Variants in PXDNL observed in about 807,000 individuals in gnomAD.
PXDNL encodes the protein probable oxidoreductase PXDNL.
Under a neutral mutation model 150.8 loss-of-function variants are expected in PXDNL, and 145 were observed. The observed-to-expected ratio is 0.96, with a 90% CI of 0.84 to 1.10. PXDNL has a LOEUF of 1.10. Ranked by LOEUF, PXDNL falls within the 50% of genes least tolerant of loss-of-function variation. The probability of loss-of-function intolerance (pLI) is 0.00; values close to 1 mark genes in which losing one functional copy is unlikely to be tolerated. For missense variants in PXDNL, 2,087 were observed against 1,873.9 expected (o/e 1.11, Z -2.10); for synonymous variants, 757 against 725.7 (o/e 1.04, Z -0.69).
intron 19 of PXDNL, among the ~76,000 whole-genome samples, chr8:51,360,729 G>A (rs112455219): frequency 0.03 from 4,617 of 152,250 alleles, 229 homozygotes; most frequent in African/African-American, 0.11. Context: ...TGTGTCAATC[G>A]CTAAGTTTTG....
intron 1 of PXDNL, among the ~76,000 whole-genome samples, chr8:51,746,461 A>G (rs1181285301): frequency 6.6e-6 from 1 of 152,154 alleles, no homozygotes; most frequent in African/African-American, 2.4e-5. Flanking sequence ...ATAATTATAA[A>G]AGGGTCTTGT....
chr8:51,587,102 C>T (rs1236749571), intron 3 of PXDNL, among the ~76,000 whole-genome samples: 2 of 152,080 alleles, frequency 1.3e-5, no homozygotes, highest in Non-Finnish European at 2.9e-5. Context: ...ATTATCAATG[C>T]CCGTAAGTAA....
chr8:51,533,655 C>T (rs1179306739), intron 4 of PXDNL, among the ~76,000 whole-genome samples: 1 of 148,150 alleles, frequency 6.7e-6, no homozygotes, highest in African/African-American at 2.6e-5. Context: ...GACTGGTTTT[C>T]GTTTTTTTTT....
chr8:51,744,190 GAGAA>G lies in PXDNL; in HGVS notation c.164+64987_164+64990del, dbSNP rs1232373114. On this transcript the variant is annotated intron_variant, in intron 1 of 22. Coordinates refer to ENST00000356297, the MANE Select transcript of PXDNL (RefSeq NM_144651.5). ...AAAGAAGGAAGGAAGGTGAGAAAGA[GAGAA>G]AGAAAAAAGAAAAGAAAGGAAGGAA... Among the ~76,000 whole-genome samples the G allele has an allele frequency of 4.3e-5, 6 of 138,034 alleles. No homozygotes were observed. In the East Asian group the frequency reaches 1.3e-3, roughly 29 times the overall value. 90.6% of individuals were successfully genotyped at this position (138,034 alleles called of 152,430 possible).
At chr8:51,552,443 C>A (rs1466506111) in intron 4 of PXDNL, among the ~76,000 whole-genome samples, 2 of 152,026 alleles carry the variant, frequency 1.3e-5, no homozygotes, top group African/African-American at 4.8e-5. Context: ...TGCCCATCAA[C>A]CAACAAGTGG....
chr8:51,564,741 A>G (rs142864129), intron 3 of PXDNL, among the ~76,000 whole-genome samples: 170 of 152,098 alleles, frequency 1.1e-3, no homozygotes, highest in East Asian at 3.7e-3. Context: ...TTGCAATACA[A>G]TATAAAAGTA....
intron 19 of PXDNL, among the ~76,000 whole-genome samples, chr8:51,368,480 G>C (rs1441048612): frequency 1.3e-5 from 2 of 151,872 alleles, no homozygotes; most frequent in Non-Finnish European, 2.9e-5. Flanking sequence ...GAAGATGCTG[G>C]TATCAGTATT....
intron 2 of PXDNL, among the ~76,000 whole-genome samples, chr8:51,647,315 A>G (rs1239813879): frequency 6.6e-6 from 1 of 152,120 alleles, no homozygotes; most frequent in Non-Finnish European, 1.5e-5. Context: ...TCTGGCCAGT[A>G]TCAAAATACC....
chr8:51,457,603 G>A lies in PXDNL; in HGVS notation c.877C>T (p.Arg293Ter), dbSNP rs183360921. 1.3e-4 allele frequency: 215 copies of A among 1,613,712 alleles called. No individual in the cohort carries two copies. The highest frequency in any genetic ancestry group is 1.7e-4 in the Non-Finnish European group (200 of 1,179,740). The change falls in exon 9 of 23, where the codon CGA (arginine) becomes TGA (stop). Residue 293 changes from arginine to a stop codon, truncating the protein, a stop_gained. Coordinates refer to ENST00000356297, the MANE Select transcript of PXDNL (RefSeq NM_144651.5). LOFTEE classifies it high-confidence loss of function. Reference sequence around the variant, plus strand: ...CCTTGGTCTGACTCTCTGGTGTTTCGGATCATGAGTGTGCCATCATCAAAC... The same window carrying A: ...CCTTGGTCTGACTCTCTGGTGTTTCAGATCATGAGTGTGCCATCATCAAAC... ...NVFDDGTLMI[R>*]NTRESDQGVY...
intron 5 of PXDNL, among the ~76,000 whole-genome samples, chr8:51,494,542 G>C (rs1370571143): frequency 6.6e-6 from 1 of 152,100 alleles, no homozygotes; most frequent in African/African-American, 2.4e-5. Context: ...CCCATCTCAC[G>C]TGCAGAGACA....
At chr8:51,392,939 C>T (rs372958228) in intron 17 of PXDNL, among the ~76,000 whole-genome samples, 1 of 152,114 alleles carries the variant, frequency 6.6e-6, no homozygotes, top group Non-Finnish European at 1.5e-5. Flanking sequence ...AGAGAGTACA[C>T]TATTGGGAGT....
At chr8:51,404,234 G>A (rs1056286248) in intron 17 of PXDNL, among the ~76,000 whole-genome samples, 7 of 152,246 alleles carry the variant, frequency 4.6e-5, no homozygotes, top group Non-Finnish European at 8.8e-5. Flanking sequence ...ACTGTCGAAA[G>A]AGACCGGAGT....
intron 2 of PXDNL, among the ~76,000 whole-genome samples, chr8:51,608,053 G>GA (rs879364002): frequency 2.4e-5 from 3 of 126,158 alleles, no homozygotes; most frequent in African/African-American, 1.1e-4. Flanking sequence ...AAGAAAGAAA[G>GA]AAAGCAAGCA....
chr8:51,584,275 G>T (rs554108932), intron 3 of PXDNL, among the ~76,000 whole-genome samples: 1 of 152,168 alleles, frequency 6.6e-6, no homozygotes, highest in East Asian at 1.9e-4. Flanking sequence ...TCTCTAAGTG[G>T]GTAAACCTGC....
intron 1 of PXDNL, among the ~76,000 whole-genome samples, chr8:51,688,666 C>G (rs1234234010): frequency 6.6e-6 from 1 of 152,116 alleles, no homozygotes; most frequent in Non-Finnish European, 1.5e-5. Flanking sequence ...CAGTTCCCAT[C>G]CTGATGGCAT....
chr8:51,704,073 A>G (rs917772995), intron 1 of PXDNL, among the ~76,000 whole-genome samples: 6 of 152,216 alleles, frequency 3.9e-5, no homozygotes, highest in Admixed American at 6.5e-5. Flanking sequence ...TTGAAGTCCC[A>G]TGTATGTGCC....
At chr8:51,424,480 T>C (rs763298479) in intron 13 of PXDNL, among the ~76,000 whole-genome samples, 1 of 152,074 alleles carries the variant, frequency 6.6e-6, no homozygotes, top group Non-Finnish European at 1.5e-5. Flanking sequence ...TATTTCTACC[T>C]TGTATGTACT....
At chr8:51,748,995 G>A (rs759494793) in intron 1 of PXDNL, among the ~76,000 whole-genome samples, 29 of 152,278 alleles carry the variant, frequency 1.9e-4, no homozygotes, top group East Asian at 3.9e-4. Context: ...ATTTGAAGGC[G>A]TAACTAGTGT....
chr8:51,429,831 A>G (rs1201266974), intron 12 of PXDNL, among the ~76,000 whole-genome samples: 1 of 151,846 alleles, frequency 6.6e-6, no homozygotes, highest in East Asian at 1.9e-4. Flanking sequence ...TGAAACATTT[A>G]TTGCTGAGAA....
Sources: gnomAD v4.1 joint callset for allele counts (sites outside exome capture counted in the v4.1 genomes callset) on GRCh38, gnomAD v4.1.1 for gene constraint, MANE v1.5 for transcripts, NCBI Gene and HGNC (gene_info 2026-07-23, HGNC 2026-07-21) for gene names.